COL6A6: variants seen among roughly 807,000 people sequenced by gnomAD.
The protein encoded by COL6A6 is collagen type VI alpha 6 chain.
In COL6A6, 183 loss-of-function variants were observed where a neutral mutation model predicts 208.6. The ratio of observed to expected loss-of-function variants is 0.88; its 90% CI spans 0.78 to 0.99. COL6A6 has a LOEUF of 0.99. COL6A6 is among the 50% of genes least tolerant of loss of function. The pLI is 0.00. For missense variants in COL6A6, 2,816 were observed against 2,815.2 expected, an observed-to-expected ratio of 1.00 and a Z score of -0.01; for synonymous variants, 973 against 1,011.8, an observed-to-expected ratio of 0.96 and a Z score of 0.73.
intron 28 of COL6A6, among the ~76,000 whole-genome samples, chr3:130,641,008 T>A (rs985012838): frequency 2.0e-5 from 3 of 152,238 alleles, no homozygotes; most frequent in Non-Finnish European, 4.4e-5. Flanking sequence ...TGCCTTATAA[T>A]AGCATCACCT....
chr3:130,571,750 C>T (rs1436183094), intron 7 of COL6A6, among the ~76,000 whole-genome samples: 4 of 151,932 alleles, frequency 2.6e-5, no homozygotes, highest in African/African-American at 7.2e-5. Flanking sequence ...TCACGGCTCA[C>T]TGCAGCCTCA....
chr3:130,621,197 T>G (rs2064704155), intron 23 of COL6A6, among the ~76,000 whole-genome samples: 1 of 152,230 alleles, frequency 6.6e-6, no homozygotes, highest in East Asian at 1.9e-4. Flanking sequence ...CTTTAGGTTT[T>G]GCATCTTTCT....
intron 1 of COL6A6, among the ~76,000 whole-genome samples, chr3:130,529,007 G>A (rs1024343311): frequency 3.3e-5 from 5 of 152,096 alleles, no homozygotes; most frequent in Non-Finnish European, 5.9e-5. Context: ...CGAGAATGGC[G>A]TGAACCCGGG....
At chr3:130,534,235 C>T (rs78752569) in intron 1 of COL6A6, among the ~76,000 whole-genome samples, 1,683 of 152,224 alleles carry the variant, frequency 0.011, 36 homozygotes, top group African/African-American at 0.039. Context: ...TGGAACCTCA[C>T]TGTTTTAATA....
chr3:130,670,055 C>T (rs1026215916), intron 36 of COL6A6, among the ~76,000 whole-genome samples: 3 of 152,348 alleles, frequency 2.0e-5, no homozygotes, highest in East Asian at 1.9e-4. Context: ...AGCTCTGTCA[C>T]CTCTGAGAAG....
chr3:130,528,350 G>A (rs1448437056), intron 1 of COL6A6, among the ~76,000 whole-genome samples: 1 of 152,200 alleles, frequency 6.6e-6, no homozygotes, highest in African/African-American at 2.4e-5. Flanking sequence ...TTCTAATTCA[G>A]TAGGACAGGT....
rs752224943 is a variant in COL6A6 at position 130,593,253 on chromosome 3, G to A, written c.4470+1G>A. 23 of 1,609,844 alleles carry A rather than the reference G, an allele frequency of 1.4e-5. No individual in the cohort carries two copies. In the East Asian group the frequency reaches 5.1e-4, roughly 36 times the overall value. On this transcript the variant is annotated splice_donor_variant, in intron 17 of 36. Transcript: ENST00000358511. LOFTEE classifies it high-confidence loss of function. ...AGAAAAGGGAGATGAGGGATCTCAG[G>A]TAGGGATTTGAAAAGGAAGAACATA...
In COL6A6 at chr3:130,634,121, A is replaced by G. The variant is rs1314702458; in HGVS notation, c.4993-469A>G. ...CCCTGTAGCAGCATTTCAGGGAAAC[A>G]GTTTGTCAATATTACTTTCCTTTGT... On this transcript the variant is annotated intron_variant, in intron 26 of 36. Coordinates refer to ENST00000358511, the MANE Select transcript of COL6A6 (RefSeq NM_001102608.3). Among the ~76,000 whole-genome samples the G allele has an allele frequency of 2.8e-5, 3 of 105,264 alleles. 1 individual carries two copies. The highest frequency in any genetic ancestry group is 4.9e-5 in the Non-Finnish European group (3 of 60,616). 69.1% of individuals were successfully genotyped at this position (105,264 alleles called of 152,430 possible).
chr3:130,533,253 TAAAA>T (rs59750509), intron 1 of COL6A6, among the ~76,000 whole-genome samples: 81 of 129,500 alleles, frequency 6.3e-4, no homozygotes, highest in East Asian at 3.4e-3. Flanking sequence ...TCCCAGGAAT[TAAAA>T]AAAAAAAAAA....
intron 20 of COL6A6, among the ~76,000 whole-genome samples, chr3:130,605,272 C>A (rs1017739558): frequency 7.2e-5 from 11 of 152,018 alleles, no homozygotes; most frequent in African/African-American, 1.9e-4. Context: ...TTCTATCTTT[C>A]CCCTTTTTTA....
rs1180620410 is a variant in COL6A6 at position 130,628,739 on chromosome 3, T to G, written c.4992+1370T>G. 6.1e-5 allele frequency among the ~76,000 whole-genome samples: 4 copies of G among 65,334 alleles called. 1 individual carries two copies. In the African/African-American group the frequency reaches 9.4e-4, roughly 15 times the overall value. The allele number at this position is 65,334 out of a possible 152,430, so 42.9% of individuals were successfully genotyped here. ...ATCCATTTTAAGATCGTGTCGAAGA[T>G]GGCCGAATAGGAACAGCTCCGGTCT... On this transcript the variant is annotated intron_variant, in intron 26 of 36. Transcript: ENST00000358511.
chr3:130,662,796 T>C lies in COL6A6; in HGVS notation c.6502+488T>C, dbSNP rs143466557. Among the ~76,000 whole-genome samples, 213 of 152,310 alleles carry C rather than the reference T, an allele frequency of 1.4e-3. 1 individual carries two copies. Among genetic ancestry groups the C allele is most frequent in the Non-Finnish European group, 8.5e-4 (58 of 68,024 alleles). The stretch of plus-strand genomic sequence containing the variant: ...AAGTGTTAGGAGATACCATTTTACC[T>C]GTCAGAATGAAAAATAGAGCCTTGC... On this transcript the variant is annotated intron_variant, in intron 35 of 36. Coordinates refer to ENST00000358511, the MANE Select transcript of COL6A6 (RefSeq NM_001102608.3).
chr3:130,539,754 C>T (rs1397814336), intron 1 of COL6A6, among the ~76,000 whole-genome samples: 1 of 152,122 alleles, frequency 6.6e-6, no homozygotes, highest in East Asian at 1.9e-4. Context: ...TCCTTGTTTC[C>T]TGCCACACTA....
intron 32 of COL6A6, among the ~76,000 whole-genome samples, chr3:130,646,720 G>A (rs2065470498): frequency 6.6e-6 from 1 of 152,204 alleles, no homozygotes; most frequent in African/African-American, 2.4e-5. Flanking sequence ...GGAGAGTAGT[G>A]CATAAAAACA....
intron 22 of COL6A6, 115 bp from the exon 23 acceptor site, chr3:130,610,534 T>C: frequency 2.6e-6 from 2 of 774,120 alleles, no homozygotes; most frequent in South Asian, 3.4e-5. Flanking sequence ...TGATTGGAGC[T>C]CTCTTTCCCA....
Position 130,560,434 on chromosome 3 carries a change from G to GA in COL6A6, c.64+11dup. On this transcript the variant is annotated splice_region_variant and intron_variant, in intron 2 of 36. Coordinates refer to ENST00000358511, the MANE Select transcript of COL6A6 (RefSeq NM_001102608.3). ...TTCTGTGAACCAAGATTCCGGTAAG[G>GA]AAAAACTGGAAAGAATTCTTAATTT... The GA allele has an allele frequency of 6.2e-7, 1 of 1,604,140 alleles. No homozygotes were observed. Among genetic ancestry groups the GA allele is most frequent in the South Asian group, 1.1e-5 (1 of 89,460 alleles).
chr3:130,534,134 A>T (rs925476835), intron 1 of COL6A6, among the ~76,000 whole-genome samples: 3 of 152,134 alleles, frequency 2.0e-5, no homozygotes, highest in Non-Finnish European at 4.4e-5. Flanking sequence ...TTATATTCCC[A>T]CCAGCCATGT....
intron 28 of COL6A6, 43 bp from the exon 29 acceptor site, chr3:130,641,609 C>A: frequency 1.0e-6 from 1 of 998,804 alleles, no homozygotes; most frequent in Non-Finnish European, 1.5e-6. Flanking sequence ...CACACACATA[C>A]ATATATGTAT....
At chr3:130,585,691 C>T (rs1260096082) in intron 10 of COL6A6, among the ~76,000 whole-genome samples, 1 of 152,246 alleles carries the variant, frequency 6.6e-6, no homozygotes, top group Non-Finnish European at 1.5e-5. Context: ...TGTGTGTCAT[C>T]TGTTCCTAAT....
Sources: allele counts gnomAD v4.1 joint callset (sites outside exome capture counted in the v4.1 genomes callset), GRCh38; gene constraint gnomAD v4.1.1; transcripts MANE v1.5; gene names NCBI Gene and HGNC (gene_info 2026-07-23, HGNC 2026-07-21).